AFF1: variants seen among roughly 807,000 people sequenced by gnomAD.
AFF1 encodes the protein ALF transcription elongation factor 1, also known as AF4/FMR2 family member 1.
A neutral mutation model predicts 121.7 loss-of-function variants in AFF1; 48 were observed. The observed-to-expected ratio is 0.39, with a 90% confidence interval of 0.31 to 0.50. The LOEUF (loss-of-function observed/expected upper bound fraction) is 0.50. Ranked by LOEUF, AFF1 falls within the 20% of genes least tolerant of loss-of-function variation. The pLI is 0.76. For missense variants in AFF1, 1,523 were observed against 1,511.7 expected (o/e 1.01, Z -0.12); for synonymous variants, 613 against 563.0 (o/e 1.09, Z -1.26).
At chr4:87,063,228 CTTTTT>C (rs569577993) in intron 4 of AFF1, among the ~76,000 whole-genome samples, 242 of 44,396 alleles carry the variant, frequency 5.5e-3, no homozygotes, top group African/African-American at 0.011. Flanking sequence ...AGATTCACCT[CTTTTT>C]TTTTTTTTTT....
intron 2 of AFF1, among the ~76,000 whole-genome samples, chr4:87,008,889 T>C (rs574460522): frequency 5.9e-5 from 9 of 152,344 alleles, no homozygotes; most frequent in African/African-American, 1.2e-4. Flanking sequence ...TGTATTCTTA[T>C]GTATTTTATT....
chr4:87,020,394 T>A (rs1432872599), intron 2 of AFF1, among the ~76,000 whole-genome samples: 2 of 152,248 alleles, frequency 1.3e-5, no homozygotes, highest in Admixed American at 1.3e-4. Flanking sequence ...TTTGTCTGTT[T>A]GATCTGCCAT....
chr4:86,960,104 A>T (rs767697147), intron 2 of AFF1, among the ~76,000 whole-genome samples: 22 of 152,248 alleles, frequency 1.4e-4, no homozygotes, highest in Admixed American at 4.6e-4. Flanking sequence ...GATGACCTCT[A>T]CATTTTTTTT....
At chr4:87,095,342 C>T (rs1724725711) in intron 8 of AFF1, among the ~76,000 whole-genome samples, 1 of 152,208 alleles carries the variant, frequency 6.6e-6, no homozygotes, top group Admixed American at 6.5e-5. Flanking sequence ...TAGTCTCGAA[C>T]TCCTGACCTC....
intron 2 of AFF1, among the ~76,000 whole-genome samples, chr4:87,022,619 T>C (rs60824193): frequency 0.54 from 43,028 of 79,774 alleles, 13,907 homozygotes; most frequent in Non-Finnish European, 0.74. Context: ...TATATCTGTG[T>C]GTGTATATAT....
chr4:87,053,436 G>A (rs758987715), intron 4 of AFF1, among the ~76,000 whole-genome samples: 5 of 152,204 alleles, frequency 3.3e-5, no homozygotes, highest in Non-Finnish European at 7.4e-5. Flanking sequence ...GGAAAACTGT[G>A]TGATAGTGAT....
chr4:87,095,620 G>C (rs886951416), intron 8 of AFF1, among the ~76,000 whole-genome samples: 2 of 152,090 alleles, frequency 1.3e-5, no homozygotes, highest in African/African-American at 4.8e-5. Context: ...CACAATTGAA[G>C]ATTTTCCGCC....
In AFF1 at chr4:87,141,031, G is replaced by A. The variant is rs1243542461; in HGVS notation, c.*5330G>A. ...AAACAAAAAAATTAATAAAAATTTC[G>A]AGAAATCATTGGGGTTGAATCCATG... is the stretch of plus-strand genomic sequence containing the variant. On this transcript the variant is annotated 3_prime_UTR_variant, in exon 21 of 21. Transcript: ENST00000395146. The A allele has an allele frequency of 5.7e-6, 1 of 175,962 alleles. No individual in the cohort carries two copies. The highest frequency in any genetic ancestry group is 1.2e-5 in the Non-Finnish European group (1 of 81,502). 10.9% of individuals were successfully genotyped at this position (175,962 alleles called of 1,614,324 possible).
chr4:86,966,716 A>C (rs933282584), intron 2 of AFF1, among the ~76,000 whole-genome samples: 1 of 151,982 alleles, frequency 6.6e-6, no homozygotes, highest in Non-Finnish European at 1.5e-5. Flanking sequence ...ATCTTCCTCT[A>C]CTTCTCCAGA....
chr4:86,979,752 A>G (rs1384181806), intron 2 of AFF1, among the ~76,000 whole-genome samples: 2 of 152,222 alleles, frequency 1.3e-5, no homozygotes, highest in Non-Finnish European at 2.9e-5. Context: ...AACATGTCTT[A>G]TTGAAAAGGT....
intron 13 of AFF1, 122 bp from the exon 14 acceptor site, chr4:87,125,977 A>G: frequency 2.0e-6 from 2 of 1,003,016 alleles, no homozygotes; most frequent in Non-Finnish European, 3.0e-6. Context: ...TGGCCTGTTT[A>G]CACAGTTTCA....
At chr4:86,987,418 G>C (rs953810042) in intron 2 of AFF1, among the ~76,000 whole-genome samples, 1 of 152,154 alleles carries the variant, frequency 6.6e-6, no homozygotes, top group African/African-American at 2.4e-5. Flanking sequence ...TCCTGAGCAG[G>C]ATCTGAACAT....
intron 12 of AFF1, among the ~76,000 whole-genome samples, chr4:87,121,724 T>C (rs187977286): frequency 4.6e-5 from 7 of 152,400 alleles, no homozygotes; most frequent in Admixed American, 4.6e-4. Flanking sequence ...TTGCTAAATA[T>C]CAATATAAAG....
chr4:87,115,474 C>A (rs1441599466), intron 12 of AFF1, among the ~76,000 whole-genome samples, 175 bp downstream of exon 12: 1 of 152,092 alleles, frequency 6.6e-6, no homozygotes, highest in Non-Finnish European at 1.5e-5. Context: ...CTTTGCTTCT[C>A]ATTCTGCAGA....
intron 2 of AFF1, among the ~76,000 whole-genome samples, chr4:86,961,342 T>C (rs1012648368): frequency 1.3e-5 from 2 of 152,180 alleles, no homozygotes; most frequent in Non-Finnish European, 1.5e-5. Flanking sequence ...CTCAAGTCCC[T>C]GTTCCCTTTT....
intron 2 of AFF1, chr4:87,007,565 C>A: frequency 8.6e-7 from 1 of 1,169,150 alleles, no homozygotes. Context: ...GAGGCTGTGG[C>A]TTGACTAAAT....
chr4:87,024,407 C>T (rs1043040946), intron 2 of AFF1, among the ~76,000 whole-genome samples: 2 of 152,054 alleles, frequency 1.3e-5, no homozygotes, highest in African/African-American at 4.8e-5. Flanking sequence ...CAGTGTTTCC[C>T]AGCGTTAGCC....
At position 86,968,171 on chromosome 4, in the gene AFF1, C is replaced by A. The variant is rs568942505; in HGVS notation, c.38+19600C>A. On this transcript the variant is annotated intron_variant, in intron 2 of 20. Transcript: ENST00000395146. ...CTCTTCCGTGAAACCTCCTCTCTTA[C>A]CCTCAGGCAGTAATGGTCTCCCATT... Among the ~76,000 whole-genome samples the A allele has an allele frequency of 1.5e-4, 23 of 152,320 alleles. 1 individual carries two copies. Among genetic ancestry groups the A allele is most frequent in the African/African-American group, 5.5e-4 (23 of 41,578 alleles).
At chr4:87,116,655 A>T (rs1727153898) in intron 12 of AFF1, among the ~76,000 whole-genome samples, 1 of 152,240 alleles carries the variant, frequency 6.6e-6, no homozygotes. Context: ...GTAAAGGGCG[A>T]CTGCTTTCTT....
Sources: gnomAD v4.1 joint callset for allele counts (sites outside exome capture counted in the v4.1 genomes callset) on GRCh38, gnomAD v4.1.1 for gene constraint, MANE v1.5 for transcripts, NCBI Gene and HGNC (gene_info 2026-07-23, HGNC 2026-07-21) for gene names.